VTI1A: variants seen among roughly 807,000 people sequenced by gnomAD.
The protein encoded by VTI1A is vesicle transport through interaction with t-SNAREs homolog 1A.
VTI1A carries 22 observed loss-of-function variants against 34.9 expected under a neutral mutation model. The ratio of observed to expected loss-of-function variants is 0.63; its 90% confidence interval spans 0.45 to 0.90. The LOEUF is 0.90. Ranked by LOEUF, VTI1A falls within the 40% of genes least tolerant of loss-of-function variation. VTI1A has a pLI of 0.00. For synonymous variants in VTI1A, 87 were observed against 97.3 expected, an observed-to-expected ratio of 0.89 and a Z score of 0.62; for missense variants, 268 against 275.6, an observed-to-expected ratio of 0.97 and a Z score of 0.20.
In VTI1A at chr10:112,789,071, G is replaced by A. The variant is rs566523929; in HGVS notation, c.561-26219G>A. ...TCTAATGGTTTTTAAAGAAATTAAG[G>A]GAAGAAAAATATATATATTTATACA... is the stretch of plus-strand genomic sequence containing the variant. On this transcript the variant is annotated intron_variant, in intron 7 of 7. Coordinates refer to ENST00000393077, the MANE Select transcript of VTI1A (RefSeq NM_145206.4). Among the ~76,000 whole-genome samples the A allele has an allele frequency of 4.6e-5, 7 of 152,030 alleles. No individual in the cohort carries two copies. In the South Asian group the frequency reaches 1.5e-3, roughly 32 times the overall value.
intron 3 of VTI1A, among the ~76,000 whole-genome samples, chr10:112,466,043 A>ATTCCC: frequency 6.6e-6 from 1 of 152,240 alleles, no homozygotes; most frequent in African/African-American, 2.4e-5. Context: ...ACTTTAAAAA[A>ATTCCC]TAAAAAGATA....
chr10:112,520,241 A>G (rs1849965011), intron 3 of VTI1A, among the ~76,000 whole-genome samples: 1 of 152,024 alleles, frequency 6.6e-6, no homozygotes, highest in African/African-American at 2.4e-5. Flanking sequence ...GCATTCTATC[A>G]TGAGCTGATT....
At chr10:112,685,059 G>GT (rs1848358570) in intron 7 of VTI1A, among the ~76,000 whole-genome samples, 1 of 152,114 alleles carries the variant, frequency 6.6e-6, no homozygotes, top group African/African-American at 2.4e-5. Flanking sequence ...CATGTTGTAG[G>GT]TTTTCTTTGT....
intron 5 of VTI1A, among the ~76,000 whole-genome samples, chr10:112,542,037 A>G (rs1303346678): frequency 1.3e-5 from 2 of 152,094 alleles, no homozygotes. Flanking sequence ...TATGACTTTT[A>G]GCTATGGACA....
chr10:112,620,154 A>G (rs1464711171), intron 5 of VTI1A, among the ~76,000 whole-genome samples: 1 of 152,174 alleles, frequency 6.6e-6, no homozygotes, highest in Non-Finnish European at 1.5e-5. Context: ...CTTAATTATT[A>G]TTGGACTTTA....
At chr10:112,520,877 A>G (rs933157678) in intron 3 of VTI1A, among the ~76,000 whole-genome samples, 5 of 152,004 alleles carry the variant, frequency 3.3e-5, no homozygotes, top group African/African-American at 1.2e-4. Context: ...AATTTTTTAA[A>G]ACTAATTTTT....
chr10:112,603,268 G>A (rs1844946746), intron 5 of VTI1A, among the ~76,000 whole-genome samples: 1 of 152,160 alleles, frequency 6.6e-6, no homozygotes, highest in Admixed American at 6.5e-5. Flanking sequence ...CTGGGAGCTT[G>A]TTGACAATGT....
chr10:112,789,662 G>T (rs1343965182), intron 7 of VTI1A, among the ~76,000 whole-genome samples: 1 of 152,042 alleles, frequency 6.6e-6, no homozygotes, highest in Non-Finnish European at 1.5e-5. Context: ...TCTTTAGACA[G>T]ATTTTCGAGT....
At chr10:112,494,828 T>G (rs1263851595) in intron 3 of VTI1A, among the ~76,000 whole-genome samples, 2 of 152,146 alleles carry the variant, frequency 1.3e-5, no homozygotes, top group African/African-American at 4.8e-5. Context: ...CTTTCTTTCT[T>G]TCTTAAGACA....
chr10:112,494,321 T>G (rs1377071280), intron 3 of VTI1A, among the ~76,000 whole-genome samples: 2 of 152,196 alleles, frequency 1.3e-5, no homozygotes, highest in Non-Finnish European at 2.9e-5. Context: ...GTAATTTTTG[T>G]GTCTTAAAAA....
At chr10:112,640,537 A>G (rs568782320) in intron 5 of VTI1A, among the ~76,000 whole-genome samples, 3 of 152,092 alleles carry the variant, frequency 2.0e-5, no homozygotes, top group South Asian at 2.1e-4. Context: ...ACAATCTGGG[A>G]AAAAAAACAA....
rs562847845 is a variant in VTI1A, at chr10:112,659,939, T to C, written c.428-8279T>C. ...TCTAATGTTGGGGACTTAGGCAAAA[T>C]GGAAACAATATGATCTGCTTAAAAG... is the stretch of plus-strand genomic sequence containing the variant. On this transcript the variant is annotated intron_variant, in intron 5 of 7. Transcript: ENST00000393077. 5.9e-5 allele frequency among the ~76,000 whole-genome samples: 9 copies of C among 152,326 alleles called. No individual in the cohort carries two copies. The South Asian group carries it at 1.9e-3, about 32-fold the overall frequency.
At chr10:112,457,204 G>C (rs1251243806) in intron 1 of VTI1A, among the ~76,000 whole-genome samples, 2 of 152,158 alleles carry the variant, frequency 1.3e-5, no homozygotes, top group Non-Finnish European at 2.9e-5. Flanking sequence ...AAGCTCAACT[G>C]ACCCACCAAA....
intron 5 of VTI1A, among the ~76,000 whole-genome samples, chr10:112,659,745 GC>G (rs1246183875): frequency 6.6e-6 from 1 of 152,174 alleles, no homozygotes; most frequent in Non-Finnish European, 1.5e-5. Context: ...GCGTGCATAG[GC>G]CCTGCATGGT....
chr10:112,447,268 C>T lies in VTI1A; in HGVS notation c.-106C>T. ...GCTGTCCCCGGTTCTCCGTTCTGCT[C>T]TCGGGGGCACCTTCCGGGGTTCCTA... On this transcript the variant is annotated 5_prime_UTR_variant, in exon 1 of 8. Coordinates refer to ENST00000393077, the MANE Select transcript of VTI1A (RefSeq NM_145206.4). 1 of 1,260,854 alleles carries T rather than the reference C, an allele frequency of 7.9e-7. No individual in the cohort carries two copies. The highest frequency in any genetic ancestry group is 1.1e-6 in the Non-Finnish European group (1 of 903,328). The allele number at this position is 1,260,854 out of a possible 1,614,324, so 78.1% of individuals were successfully genotyped here. A position where few individuals can be genotyped will look rare whatever the true frequency, so the allele number is the denominator to read the frequency against.
chr10:112,464,357 C>T (rs2134052419), intron 2 of VTI1A, among the ~76,000 whole-genome samples, 190 bp from the exon 3 acceptor site: 1 of 152,304 alleles, frequency 6.6e-6, no homozygotes, highest in South Asian at 2.1e-4. Flanking sequence ...TTGGCAAGTA[C>T]TCAGAATTGT....
At chr10:112,812,756 A>T (rs2134091669) in intron 7 of VTI1A, among the ~76,000 whole-genome samples, 1 of 152,176 alleles carries the variant, frequency 6.6e-6, no homozygotes, top group East Asian at 1.9e-4. Context: ...TTTGAAAGCA[A>T]ATGCCCTTTC....
chr10:112,574,846 G>A (rs762782692), intron 5 of VTI1A, among the ~76,000 whole-genome samples: 5 of 152,204 alleles, frequency 3.3e-5, no homozygotes, highest in East Asian at 1.9e-4. Flanking sequence ...GAAATGTTGC[G>A]TGAATTTGAC....
chr10:112,661,076 G>T (rs1166633252), intron 5 of VTI1A, among the ~76,000 whole-genome samples: 1 of 152,218 alleles, frequency 6.6e-6, no homozygotes, highest in Non-Finnish European at 1.5e-5. Flanking sequence ...CGCCTCCTGG[G>T]TTCAAGTGAT....
Sources: gnomAD v4.1 joint callset for allele counts (sites outside exome capture counted in the v4.1 genomes callset) on GRCh38, gnomAD v4.1.1 for gene constraint, MANE v1.5 for transcripts, NCBI Gene and HGNC (gene_info 2026-07-23, HGNC 2026-07-21) for gene names.